ABCC4: variants seen among roughly 807,000 people sequenced by gnomAD.
ABCC4 encodes the protein ATP-binding cassette sub-family C member 4.
In ABCC4, 102 loss-of-function variants were observed where a neutral mutation model predicts 168.5. That is an observed-to-expected ratio of 0.61 (90% CI 0.52 to 0.71). ABCC4 has a LOEUF of 0.71. Ranked by LOEUF, ABCC4 falls within the 30% of genes least tolerant of loss-of-function variation. The pLI, the probability that ABCC4 is intolerant of heterozygous loss-of-function variation, is 0.00. For synonymous variants in ABCC4, 617 were observed against 590.7 expected, an observed-to-expected ratio of 1.04 and a Z score of -0.65; for missense variants, 1,402 against 1,605.8, an observed-to-expected ratio of 0.87 and a Z score of 2.17.
chr13:95,253,602 G>C (rs146921667), intron 1 of ABCC4, among the ~76,000 whole-genome samples: 1 of 151,854 alleles, frequency 6.6e-6, no homozygotes, highest in Admixed American at 6.6e-5. Flanking sequence ...AAAATTAGCC[G>C]GGCGTGGTGG....
At chr13:95,236,610 A>G (rs900202957) in intron 3 of ABCC4, among the ~76,000 whole-genome samples, 21 of 152,134 alleles carry the variant, frequency 1.4e-4, no homozygotes, top group African/African-American at 5.1e-4. Flanking sequence ...GCGCACACAC[A>G]CACACACACA....
At chr13:95,187,264 G>A (rs554482419) in intron 10 of ABCC4, among the ~76,000 whole-genome samples, 12 of 152,268 alleles carry the variant, frequency 7.9e-5, no homozygotes, top group Admixed American at 4.6e-4. Flanking sequence ...TCCTGCATGC[G>A]GGTATCTTTT....
Position 95,045,461 on chromosome 13 carries a change from A to G in ABCC4, c.3457-1023T>C, listed in dbSNP as rs549994552. Among the ~76,000 whole-genome samples the G allele has an allele frequency of 3.3e-5, 5 of 152,336 alleles. No individual in the cohort carries two copies. In the East Asian group the frequency reaches 9.7e-4, roughly 29 times the overall value. ...GGTCCTTTCCCAAGTTTAAGCCCCTATGGCTATAAAGTAGGTCAGTACATT... is the reference window on the plus strand; with the variant it reads ...GGTCCTTTCCCAAGTTTAAGCCCCTGTGGCTATAAAGTAGGTCAGTACATT... On this transcript the variant is annotated intron_variant, in intron 27 of 30. Transcript: ENST00000645237.
chr13:95,041,693 C>CA lies in ABCC4; in HGVS notation c.3735+1988dup, dbSNP rs1367928520. On this transcript the variant is annotated intron_variant, in intron 29 of 30. Coordinates refer to ENST00000645237, the MANE Select transcript of ABCC4 (RefSeq NM_005845.5). ...CAAACAAGGGGAAAAAACAAACAAA[C>CA]AAAAAAAACAAAACACCTCCAAAAT... Among the ~76,000 whole-genome samples the CA allele has an allele frequency of 2.6e-5, 4 of 151,466 alleles. No homozygotes were observed. In the East Asian group the frequency reaches 5.8e-4, roughly 22 times the overall value.
chr13:95,181,472 A>T (rs2037888226), intron 11 of ABCC4, among the ~76,000 whole-genome samples: 2 of 152,162 alleles, frequency 1.3e-5, no homozygotes, highest in Admixed American at 1.3e-4. Flanking sequence ...CAGTCCCCCA[A>T]TCAGAAAACA....
At chr13:95,127,479 T>C (rs778174710) in intron 19 of ABCC4, among the ~76,000 whole-genome samples, 24 of 152,062 alleles carry the variant, frequency 1.6e-4, no homozygotes, top group Non-Finnish European at 2.8e-4. Context: ...GGTTTCTCCA[T>C]GTTGGCCAGG....
intron 19 of ABCC4, among the ~76,000 whole-genome samples, chr13:95,154,710 T>TTAAA (rs2036801918): frequency 1.3e-5 from 2 of 152,220 alleles, no homozygotes; most frequent in Non-Finnish European, 2.9e-5. Context: ...TGCTACCTGC[T>TTAAA]CAGCAGAATC....
At chr13:95,030,995 TG>T (rs1465061868) in intron 30 of ABCC4, among the ~76,000 whole-genome samples, 2 of 152,258 alleles carry the variant, frequency 1.3e-5, no homozygotes, top group Non-Finnish European at 2.9e-5. Flanking sequence ...ATACGTGACT[TG>T]GAAGTACCTT....
intron 19 of ABCC4, among the ~76,000 whole-genome samples, chr13:95,132,001 T>A (rs1469179972): frequency 6.6e-6 from 1 of 151,962 alleles, no homozygotes; most frequent in Non-Finnish European, 1.5e-5. Flanking sequence ...ATGCGCACAC[T>A]CATGTTCACA....
rs186561063 is a variant in ABCC4 at position 95,090,468 on chromosome 13, C to T, written c.2536-7178G>A. On this transcript the variant is annotated intron_variant, in intron 20 of 30. Transcript: ENST00000645237. ...CATCACAGGACTCTCTGCAGACAACCGCCAGTGCCAACCGGGAACCAGGCA... is the reference window on the plus strand; with the variant it reads ...CATCACAGGACTCTCTGCAGACAACTGCCAGTGCCAACCGGGAACCAGGCA... Among the ~76,000 whole-genome samples the T allele has an allele frequency of 4.6e-5, 7 of 152,260 alleles. No individual in the cohort carries two copies. The East Asian group carries it at 7.7e-4, about 17-fold the overall frequency.
intron 9 of ABCC4, among the ~76,000 whole-genome samples, chr13:95,193,415 C>G (rs1195686423): frequency 6.6e-6 from 1 of 152,182 alleles, no homozygotes; most frequent in Non-Finnish European, 1.5e-5. Context: ...AGCTGGGCCA[C>G]TGGGCTCTGC....
intron 20 of ABCC4, chr13:95,095,630 C>T (rs1197269245): frequency 1.3e-5 from 2 of 152,122 alleles, no homozygotes; most frequent in Non-Finnish European, 1.5e-5. Flanking sequence ...TCTCTCAAAT[C>T]ACCACTAAAG....
intron 8 of ABCC4, among the ~76,000 whole-genome samples, chr13:95,205,546 T>G (rs962396687): frequency 6.6e-6 from 1 of 152,232 alleles, no homozygotes; most frequent in African/African-American, 2.4e-5. Flanking sequence ...ACACAAATAC[T>G]TGAGCATACA....
At chr13:95,291,628 G>A (rs2041407481) in intron 1 of ABCC4, among the ~76,000 whole-genome samples, 1 of 152,210 alleles carries the variant, frequency 6.6e-6, no homozygotes, top group Non-Finnish European at 1.5e-5. Flanking sequence ...AATTTGCATA[G>A]GGATAGAAGA....
intron 26 of ABCC4, among the ~76,000 whole-genome samples, chr13:95,054,461 T>G (rs2032979789): frequency 6.6e-6 from 1 of 151,550 alleles, no homozygotes; most frequent in Non-Finnish European, 1.5e-5. Flanking sequence ...GGCAGGAGAA[T>G]CACTTTGACC....
At chr13:95,264,435 C>T (rs1485238388) in intron 1 of ABCC4, among the ~76,000 whole-genome samples, 1 of 152,160 alleles carries the variant, frequency 6.6e-6, no homozygotes, top group Non-Finnish European at 1.5e-5. Flanking sequence ...AACAGGGAAA[C>T]GTGGCAGACA....
chr13:95,177,384 C>T (rs2037740132), intron 13 of ABCC4, among the ~76,000 whole-genome samples: 1 of 152,150 alleles, frequency 6.6e-6, no homozygotes, highest in African/African-American at 2.4e-5. Context: ...TCTCCGGGGC[C>T]TGGTCCATCA....
chr13:95,223,681 T>C (rs1220673331), intron 4 of ABCC4, among the ~76,000 whole-genome samples: 2 of 152,168 alleles, frequency 1.3e-5, no homozygotes, highest in Non-Finnish European at 2.9e-5. Flanking sequence ...TTTGTATTTT[T>C]AGTAGAGATA....
intron 3 of ABCC4, among the ~76,000 whole-genome samples, chr13:95,235,260 G>A (rs1051709578): frequency 6.6e-6 from 1 of 152,086 alleles, no homozygotes; most frequent in Non-Finnish European, 1.5e-5. Flanking sequence ...AAGAAAAGCA[G>A]AACTGTTTTC....
Sources: allele counts gnomAD v4.1 joint callset (sites outside exome capture counted in the v4.1 genomes callset), GRCh38; gene constraint gnomAD v4.1.1; transcripts MANE v1.5; gene names NCBI Gene and HGNC (gene_info 2026-07-23, HGNC 2026-07-21).